PDE10A: variants seen among roughly 807,000 people sequenced by gnomAD.
PDE10A encodes the protein phosphodiesterase 10A, also known as cAMP and cAMP-inhibited cGMP 3',5'-cyclic phosphodiesterase 10A.
A neutral mutation model predicts 97.7 loss-of-function variants in PDE10A; 39 were observed. The ratio of observed to expected loss-of-function variants is 0.40; its 90% CI spans 0.31 to 0.52. The LOEUF is 0.52. PDE10A is among the 20% of genes least tolerant of loss of function. The pLI, the probability that PDE10A is intolerant of heterozygous loss-of-function variation, is 0.56. For synonymous variants in PDE10A, 371 were observed against 376.8 expected (o/e 0.98, Z 0.18); for missense variants, 731 against 1,047.8 (o/e 0.70, Z 4.17).
chr6:165,484,509 T>G (rs1259069467), intron 2 of PDE10A, among the ~76,000 whole-genome samples: 1 of 152,220 alleles, frequency 6.6e-6, no homozygotes, highest in Non-Finnish European at 1.5e-5. Context: ...CTAGGCTGTG[T>G]GCTCCTTATG....
At chr6:165,595,935 T>C (rs1011891766) in intron 1 of PDE10A, among the ~76,000 whole-genome samples, 1 of 152,188 alleles carries the variant, frequency 6.6e-6, no homozygotes, top group Non-Finnish European at 1.5e-5. Flanking sequence ...GTTCAACATA[T>C]GAATTTTGGG....
At chr6:165,654,569 C>T (rs1485495300) in intron 1 of PDE10A, among the ~76,000 whole-genome samples, 3 of 152,220 alleles carry the variant, frequency 2.0e-5, no homozygotes, top group Non-Finnish European at 2.9e-5. Context: ...ATTCTACTCG[C>T]CCTGTCCTCT....
chr6:165,440,754 A>C (rs922083332), intron 5 of PDE10A, among the ~76,000 whole-genome samples: 38 of 152,058 alleles, frequency 2.5e-4, no homozygotes, highest in African/African-American at 8.5e-4. Context: ...CAACTGTTTA[A>C]CTAACTTATC....
Position 165,407,268 on chromosome 6 carries a change from G to C in PDE10A, c.2076+6233C>G, listed in dbSNP as rs531319104. 2.6e-5 allele frequency among the ~76,000 whole-genome samples: 4 copies of C among 152,232 alleles called. No homozygotes were observed. The East Asian group carries it at 7.7e-4, about 29-fold the overall frequency. ...GACCTTAGGGAAGAACGATGTCAGA[G>C]AGAAGCCAGCACACTTAGCGAGCAC... On this transcript the variant is annotated intron_variant, in intron 13 of 21. Coordinates refer to ENST00000539869, the MANE Select transcript of PDE10A (RefSeq NM_001385079.1).
At chr6:165,700,965 T>A (rs953791497) in intron 1 of PDE10A, among the ~76,000 whole-genome samples, 12 of 152,360 alleles carry the variant, frequency 7.9e-5, no homozygotes, top group Non-Finnish European at 1.2e-4. Flanking sequence ...CTATGTCTGA[T>A]ACGTGCATAC....
At chr6:165,944,799 A>G (rs1464648498) in intron 1 of PDE10A, among the ~76,000 whole-genome samples, 1 of 152,236 alleles carries the variant, frequency 6.6e-6, no homozygotes, top group Non-Finnish European at 1.5e-5. Flanking sequence ...TAAATACTGC[A>G]GTAAATATGT....
intron 1 of PDE10A, among the ~76,000 whole-genome samples, chr6:165,567,881 T>C (rs1784851039): frequency 6.6e-6 from 1 of 152,174 alleles, no homozygotes; most frequent in East Asian, 1.9e-4. Flanking sequence ...ATAATCTATT[T>C]ATCTGCTTTG....
At chr6:165,929,201 G>A (rs892991697) in intron 1 of PDE10A, among the ~76,000 whole-genome samples, 6 of 152,300 alleles carry the variant, frequency 3.9e-5, no homozygotes, top group African/African-American at 1.4e-4. Context: ...GACGTGGTTG[G>A]TGCAGAAAAA....
At chr6:165,635,252 A>G (rs1164707845) in intron 1 of PDE10A, among the ~76,000 whole-genome samples, 1 of 152,250 alleles carries the variant, frequency 6.6e-6, no homozygotes, top group African/African-American at 2.4e-5. Context: ...AAAATAAAAT[A>G]GCATTAAAAG....
At chr6:165,407,891 C>T (rs993481848) in intron 13 of PDE10A, among the ~76,000 whole-genome samples, 1 of 152,138 alleles carries the variant, frequency 6.6e-6, no homozygotes, top group African/African-American at 2.4e-5. Context: ...AGTATGTTAG[C>T]TCAATAAATG....
chr6:165,420,679 GAAAAT>G (rs1040800329), intron 10 of PDE10A, among the ~76,000 whole-genome samples: 2 of 152,004 alleles, frequency 1.3e-5, no homozygotes, highest in African/African-American at 4.8e-5. Context: ...CAATGTTTCA[GAAAAT>G]AAAATAAGCT....
chr6:165,969,600 G>A (rs190088399), intron 1 of PDE10A, among the ~76,000 whole-genome samples: 162 of 151,946 alleles, frequency 1.1e-3, no homozygotes, highest in Middle Eastern at 0.01. Flanking sequence ...GACCAAAACC[G>A]CAATTACTTT....
chr6:165,805,836 G>A (rs1383824720), intron 1 of PDE10A, among the ~76,000 whole-genome samples: 1 of 151,634 alleles, frequency 6.6e-6, no homozygotes, highest in Non-Finnish European at 1.5e-5. Flanking sequence ...CCGGGCTGAT[G>A]GATCTGGGTG....
chr6:165,821,111 C>A (rs982449910), intron 1 of PDE10A, among the ~76,000 whole-genome samples: 1 of 152,186 alleles, frequency 6.6e-6, no homozygotes. Context: ...TACTGTTGAG[C>A]AAACAGAAGA....
At chr6:165,664,950 G>A (rs1012561629), upstream of PDE10A, among the ~76,000 whole-genome samples, 26 of 152,186 alleles carry the variant, frequency 1.7e-4, no homozygotes, top group African/African-American at 6.0e-4. Flanking sequence ...CAGGAGACAG[G>A]GTGGGAAACC....
At chr6:165,395,737 A>G (rs1276221493) in intron 14 of PDE10A, among the ~76,000 whole-genome samples, 1 of 152,164 alleles carries the variant, frequency 6.6e-6, no homozygotes, top group Non-Finnish European at 1.5e-5. Context: ...AGACTTGAAT[A>G]AACAGTATGG....
At chr6:165,790,920 A>G (rs188996379) in intron 1 of PDE10A, among the ~76,000 whole-genome samples, 33 of 152,220 alleles carry the variant, frequency 2.2e-4, no homozygotes, top group African/African-American at 7.9e-4. Context: ...ACCGTTGACT[A>G]TACCTGCACA....
intron 1 of PDE10A, among the ~76,000 whole-genome samples, chr6:165,684,826 T>G (rs1791070875): frequency 6.6e-6 from 1 of 152,260 alleles, no homozygotes; most frequent in Non-Finnish European, 1.5e-5. Flanking sequence ...TTTAAATTTC[T>G]TTCAAAATCT....
intron 1 of PDE10A, among the ~76,000 whole-genome samples, chr6:165,927,678 AGT>A (rs1782984106): frequency 1.0e-4 from 12 of 118,526 alleles, no homozygotes; most frequent in African/African-American, 2.8e-4. Context: ...ATATATATAT[AGT>A]TTTTTGTTTG....
Sources: allele counts gnomAD v4.1 joint callset (sites outside exome capture counted in the v4.1 genomes callset), GRCh38; gene constraint gnomAD v4.1.1; transcripts MANE v1.5; gene names NCBI Gene and HGNC (gene_info 2026-07-23, HGNC 2026-07-21).